Variants in XXYLT1 observed in about 807,000 individuals in gnomAD.
XXYLT1 encodes the protein UDP-xylose:alpha-xyloside alpha-1,3-xylosyltransferase.
Under a neutral mutation model 28.9 loss-of-function variants are expected in XXYLT1, and 20 were observed. The ratio of observed to expected loss-of-function variants is 0.69; its 90% CI spans 0.49 to 1.00. The LOEUF (loss-of-function observed/expected upper bound fraction) is 1.00, where lower values mean the gene tolerates loss of function less well. XXYLT1 is among the 50% of genes least tolerant of loss of function. The probability of loss-of-function intolerance (pLI) is 0.00; values close to 1 mark genes in which losing one functional copy is unlikely to be tolerated. For synonymous variants in XXYLT1, 257 were observed against 253.8 expected, an observed-to-expected ratio of 1.01 and a Z score of -0.12; for missense variants, 542 against 560.1, an observed-to-expected ratio of 0.97 and a Z score of 0.33.
rs150235164 is a variant in XXYLT1 at position 195,234,892 on chromosome 3, A to G, written c.505-8036T>C. Among the ~76,000 whole-genome samples the G allele has an allele frequency of 2.6e-3, 390 of 151,996 alleles. 1 individual carries two copies. Among genetic ancestry groups the G allele is most frequent in the African/African-American group, 9.2e-3 (381 of 41,420 alleles). On this transcript the variant is annotated intron_variant, in intron 1 of 3. Coordinates refer to ENST00000310380, the MANE Select transcript of XXYLT1 (RefSeq NM_152531.5). ...ATAACCTTCCTGTACTTGAATATTT[A>G]TATCTTTCTCTAGGTTTGGGAAGTT... is the stretch of plus-strand genomic sequence containing the variant.
Position 195,138,872 on chromosome 3 carries a change from A to AAAC in XXYLT1, c.785+17576_785+17577insGTT, listed in dbSNP as rs1297703188. 1.1e-3 allele frequency among the ~76,000 whole-genome samples: 162 copies of AAAC among 151,646 alleles called. 1 individual carries two copies. Among genetic ancestry groups the AAAC allele is most frequent in the African/African-American group, 3.7e-3 (153 of 41,328 alleles). Reference sequence around the variant, plus strand: ...TCTGCCTCAGGAAAAAAAAAAAAAAAAAAAAGAAAGAAAGAAAGAAAGAAA... The same window carrying AAAC: ...TCTGCCTCAGGAAAAAAAAAAAAAAAAACAAAAAGAAAGAAAGAAAGAAAGAAA... On this transcript the variant is annotated intron_variant, in intron 3 of 3. Transcript: ENST00000310380.
intron 2 of XXYLT1, among the ~76,000 whole-genome samples, chr3:195,166,969 G>A (rs967206821): frequency 2.0e-5 from 3 of 151,610 alleles, no homozygotes; most frequent in Non-Finnish European, 4.4e-5. Context: ...GAGCCACCGC[G>A]CCCGGCCATG....
rs760229779 is a variant in XXYLT1, at chr3:195,110,715, GGTGT to G, written c.786-40608_786-40605del. ...ATGTGTGCATGTGTGTGGTGTGTGT[GGTGT>G]GTGTGTGTGTGCTGTATGTGTGCAT... On this transcript the variant is annotated intron_variant, in intron 3 of 3. Coordinates refer to ENST00000310380, the MANE Select transcript of XXYLT1 (RefSeq NM_152531.5). 8.5e-5 allele frequency among the ~76,000 whole-genome samples: 12 copies of G among 140,812 alleles called. 5 individuals carry two copies. Among genetic ancestry groups the G allele is most frequent in the African/African-American group, 1.7e-4 (6 of 34,968 alleles). 92.4% of individuals were successfully genotyped at this position (140,812 alleles called of 152,430 possible). A position where few individuals can be genotyped will look rare whatever the true frequency, so the allele number is the denominator to read the frequency against.
intron 3 of XXYLT1, among the ~76,000 whole-genome samples, chr3:195,130,053 T>C (rs1441293952): frequency 2.0e-5 from 3 of 152,246 alleles, no homozygotes; most frequent in Non-Finnish European, 4.4e-5. Context: ...TGCTTTACAC[T>C]CTGCCTGATG....
chr3:195,199,232 G>A (rs1213865452), intron 2 of XXYLT1, among the ~76,000 whole-genome samples: 1 of 152,132 alleles, frequency 6.6e-6, no homozygotes, highest in Non-Finnish European at 1.5e-5. Flanking sequence ...CCACCGGCTC[G>A]AGGTTCCCAT....
intron 2 of XXYLT1, among the ~76,000 whole-genome samples, chr3:195,172,662 C>G (rs977991846): frequency 1.3e-5 from 2 of 152,178 alleles, no homozygotes; most frequent in Non-Finnish European, 2.9e-5. Flanking sequence ...AAGATGGCCT[C>G]AGATGGCAGT....
intron 1 of XXYLT1, among the ~76,000 whole-genome samples, chr3:195,228,553 G>A (rs1724159440): frequency 6.8e-6 from 1 of 147,108 alleles, no homozygotes; most frequent in Admixed American, 6.8e-5. Flanking sequence ...GTACAGGGGT[G>A]CAATCTGGGC....
At chr3:195,270,454 C>T in intron 1 of XXYLT1, 101 bp downstream of exon 1, 15 of 1,340,446 alleles carry the variant, frequency 1.1e-5, no homozygotes, top group Non-Finnish European at 1.3e-5. Context: ...CAGGGAAGAT[C>T]CTACCCGCTA....
chr3:195,089,399 A>G (rs999698853), intron 3 of XXYLT1, among the ~76,000 whole-genome samples: 1 of 152,128 alleles, frequency 6.6e-6, no homozygotes, highest in Non-Finnish European at 1.5e-5. Flanking sequence ...AGGATTTTCA[A>G]CGCAGAATTT....
At chr3:195,156,361 A>T in intron 3 of XXYLT1, 88 bp downstream of exon 3, 1 of 1,554,268 alleles carries the variant, frequency 6.4e-7, no homozygotes, top group Non-Finnish European at 8.7e-7. Flanking sequence ...GGACGCCACT[A>T]AATCCCAATC....
intron 3 of XXYLT1, among the ~76,000 whole-genome samples, chr3:195,083,710 C>T (rs753347808): frequency 2.4e-4 from 37 of 152,146 alleles, no homozygotes; most frequent in Non-Finnish European, 4.1e-4. Context: ...ATTTTACGGA[C>T]GAGGAAATGG....
At chr3:195,249,433 G>A (rs1483977195) in intron 1 of XXYLT1, among the ~76,000 whole-genome samples, 2 of 152,198 alleles carry the variant, frequency 1.3e-5, no homozygotes, top group Non-Finnish European at 2.9e-5. Context: ...CACGTGACAG[G>A]CACATGGCAC....
chr3:195,137,087 G>T (rs897330660), intron 3 of XXYLT1, among the ~76,000 whole-genome samples: 1 of 152,160 alleles, frequency 6.6e-6, no homozygotes, highest in Admixed American at 6.5e-5. Flanking sequence ...AATCATACAG[G>T]TACAGCCTGC....
intron 2 of XXYLT1, among the ~76,000 whole-genome samples, chr3:195,178,496 G>A (rs556350180): frequency 7.3e-4 from 111 of 152,302 alleles, no homozygotes; most frequent in African/African-American, 2.6e-3. Context: ...CACACACAGA[G>A]GATTTGGTGC....
At position 195,169,864 on chromosome 3, in the gene XXYLT1, TA is replaced by T. The variant is rs1357446055; in HGVS notation, c.653-13284del. ...GTGTGTGTGTGTACATATATATATA[TA>T]TATATTTTTTTTTTTTTGAGATGGA... On this transcript the variant is annotated intron_variant, in intron 2 of 3. Coordinates refer to ENST00000310380, the MANE Select transcript of XXYLT1 (RefSeq NM_152531.5). Among the ~76,000 whole-genome samples, 1,020 of 133,282 alleles carry T rather than the reference TA, an allele frequency of 7.7e-3. 14 individuals carry two copies. The highest frequency in any genetic ancestry group is 0.032 in the African/African-American group (985 of 31,138). 87.4% of individuals were successfully genotyped at this position (133,282 alleles called of 152,430 possible). A position where few individuals can be genotyped will look rare whatever the true frequency, so the allele number is the denominator to read the frequency against.
intron 1 of XXYLT1, among the ~76,000 whole-genome samples, chr3:195,246,469 C>T (rs1725029110): frequency 6.6e-6 from 1 of 152,202 alleles, no homozygotes; most frequent in Non-Finnish European, 1.5e-5. Flanking sequence ...ACCTTGTGGA[C>T]CTTCAAACAC....
intron 2 of XXYLT1, among the ~76,000 whole-genome samples, chr3:195,219,778 A>T (rs908384059): frequency 1.3e-5 from 2 of 152,202 alleles, no homozygotes; most frequent in African/African-American, 4.8e-5. Flanking sequence ...ACAGACACTG[A>T]AATAAGGACT....
intron 3 of XXYLT1, among the ~76,000 whole-genome samples, chr3:195,110,173 A>T (rs1309777499): frequency 1.4e-3 from 16 of 11,328 alleles, no homozygotes; most frequent in Admixed American, 2.4e-3. Flanking sequence ...GTGGTGTCTG[A>T]GTATGTGTGT....
chr3:195,110,800 T>G (rs1196237374), intron 3 of XXYLT1, among the ~76,000 whole-genome samples: 1 of 142,642 alleles, frequency 7.0e-6, no homozygotes, highest in African/African-American at 2.6e-5. Context: ...GTATGTGGTG[T>G]ATGTGTGCGT....
Sources: gnomAD v4.1 joint callset for allele counts (sites outside exome capture counted in the v4.1 genomes callset) on GRCh38, gnomAD v4.1.1 for gene constraint, MANE v1.5 for transcripts, NCBI Gene and HGNC (gene_info 2026-07-23, HGNC 2026-07-21) for gene names.